RBM25: variants seen among roughly 807,000 people sequenced by gnomAD.
RBM25 encodes RNA binding motif protein 25.
A neutral mutation model predicts 120.7 loss-of-function variants in RBM25; 19 were observed. That is an observed-to-expected ratio of 0.16 (90% CI 0.11 to 0.23). The LOEUF (loss-of-function observed/expected upper bound fraction) is 0.23. Ranked by LOEUF, RBM25 falls within the 10% of genes least tolerant of loss-of-function variation. RBM25 has a pLI of 1.00. For synonymous variants in RBM25, 390 were observed against 326.7 expected, an observed-to-expected ratio of 1.19 and a Z score of -2.09; for missense variants, 605 against 1,041.5, an observed-to-expected ratio of 0.58 and a Z score of 5.77.
intron 6 of RBM25, among the ~76,000 whole-genome samples, chr14:73,093,943 G>GTTT (rs1270207726): frequency 1.3e-4 from 17 of 133,762 alleles, no homozygotes; most frequent in African/African-American, 2.8e-4. Context: ...CCATGATCAG[G>GTTT]TTTTGTTTTT....
intron 7 of RBM25, 96 bp downstream of exon 7, chr14:73,097,196 C>CTTCTTTTT (rs1895961862): frequency 7.6e-6 from 1 of 131,342 alleles, no homozygotes; most frequent in African/African-American, 6.5e-5. Flanking sequence ...TTTTTCTTTT[C>CTTCTTTTT]TTTTTTTTTT....
Position 73,110,839 on chromosome 14 carries a change from A to G in RBM25, c.1701A>G (p.Gln567=). The G allele has an allele frequency of 3.1e-6, 5 of 1,607,588 alleles. No individual in the cohort carries two copies. The highest frequency in any genetic ancestry group is 4.2e-6 in the Non-Finnish European group (5 of 1,178,296). Residue 567 remains glutamine, a synonymous_variant, in exon 15 of 19, where the codon CAA becomes CAG. Coordinates refer to ENST00000261973, the MANE Select transcript of RBM25 (RefSeq NM_021239.3). The part of the protein sequence containing the change: ...DPDAELQRME[Q]EAERRRQPQI... ...TATTGTTTGGGTTTTAGATGGAACAAGAGGCTGAGAGGCGCAGGCAGCCAC... is the reference window on the plus strand; with the variant it reads ...TATTGTTTGGGTTTTAGATGGAACAGGAGGCTGAGAGGCGCAGGCAGCCAC...
At chr14:73,082,113 C>T (rs1268593674) in intron 4 of RBM25, among the ~76,000 whole-genome samples, 1 of 152,100 alleles carries the variant, frequency 6.6e-6, no homozygotes, top group Admixed American at 6.6e-5. Context: ...TTCCTATTTT[C>T]CATCTCTTAC....
intron 9 of RBM25, chr14:73,100,659 A>G (rs923182267): frequency 9.4e-6 from 2 of 211,778 alleles, no homozygotes; most frequent in African/African-American, 4.6e-5. Context: ...TGAAATGTTA[A>G]ATGTTCATTT....
Position 73,123,051 on chromosome 14 carries a change from C to T in RBM25, c.*3246C>T, listed in dbSNP as rs1358846388. 1 of 151,978 alleles carries T rather than the reference C, an allele frequency of 6.6e-6. No individual in the cohort carries two copies. Among genetic ancestry groups the T allele is most frequent in the Non-Finnish European group, 1.5e-5 (1 of 67,996 alleles). 9.4% of individuals were successfully genotyped at this position (151,978 alleles called of 1,614,324 possible). ...CTAATATTCTAGGCTTTTTTTCCATCCAGCCCTGAAAATTTTTTCTGTAGA... is the reference window on the plus strand; with the variant it reads ...CTAATATTCTAGGCTTTTTTTCCATTCAGCCCTGAAAATTTTTTCTGTAGA... On this transcript the variant is annotated 3_prime_UTR_variant, in exon 19 of 19. Coordinates refer to ENST00000261973, the MANE Select transcript of RBM25 (RefSeq NM_021239.3).
intron 12 of RBM25, among the ~76,000 whole-genome samples, chr14:73,106,682 G>T (rs970357808): frequency 1.2e-4 from 19 of 152,208 alleles, no homozygotes; most frequent in Non-Finnish European, 2.4e-4. Context: ...TATTGGTTTA[G>T]AGTTGGGGGG....
At chr14:73,077,014 G>A (rs1186318158) in intron 3 of RBM25, among the ~76,000 whole-genome samples, 1 of 152,232 alleles carries the variant, frequency 6.6e-6, no homozygotes, top group Non-Finnish European at 1.5e-5. Context: ...CCAGGAGGCG[G>A]AGGTTGCAGT....
chr14:73,105,922 GCGAGAA>G lies in RBM25; in HGVS notation c.1227_1232del (p.Arg425_Glu426del), dbSNP rs569416992. On this transcript the variant is annotated inframe_deletion, in exon 11 of 19. Transcript: ENST00000261973. ...AAAGAGAGAGAGAGAGAGAACGAGA[GCGAGAA>G]CGAGAACGGGAGCGAGAGAGAGAGC... 104 of 1,612,266 alleles carry G rather than the reference GCGAGAA, an allele frequency of 6.5e-5. No individual in the cohort carries two copies. Among genetic ancestry groups the G allele is most frequent in the South Asian group, 4.5e-4 (41 of 90,936 alleles).
intron 1 of RBM25, among the ~76,000 whole-genome samples, chr14:73,067,046 G>C (rs968516849): frequency 6.6e-6 from 1 of 151,486 alleles, no homozygotes; most frequent in African/African-American, 2.4e-5. Flanking sequence ...TGATTTTGGA[G>C]GTAAAGTTTG....
Position 73,121,395 on chromosome 14 carries a change from A to G in RBM25, c.*1590A>G, listed in dbSNP as rs1896539133. On this transcript the variant is annotated 3_prime_UTR_variant, in exon 19 of 19. Coordinates refer to ENST00000261973, the MANE Select transcript of RBM25 (RefSeq NM_021239.3). ...TGTGTGGTGCATACTAGAAAAGTTA[A>G]AAATATGGGCTGAACTTTTTATGGA... 6.6e-6 allele frequency: 1 copy of G among 152,606 alleles called. No homozygotes were observed. Among genetic ancestry groups the G allele is most frequent in the Non-Finnish European group, 1.5e-5 (1 of 68,022 alleles). 9.5% of individuals were successfully genotyped at this position (152,606 alleles called of 1,614,324 possible). A position where few individuals can be genotyped will look rare whatever the true frequency, so the allele number is the denominator to read the frequency against.
At chr14:73,094,176 A>T (rs1697191019) in intron 6 of RBM25, among the ~76,000 whole-genome samples, 1 of 148,570 alleles carries the variant, frequency 6.7e-6, no homozygotes. Context: ...GATGGTCTCG[A>T]TCTCCTGACC....
chr14:73,096,855 G>C (rs1895951297), intron 6 of RBM25, 60 bp from the exon 7 acceptor site: 3 of 1,411,422 alleles, frequency 2.1e-6, no homozygotes, highest in Non-Finnish European at 3.0e-6. Context: ...TCTTGTTGTA[G>C]AGTGATTTTG....
intron 7 of RBM25, 28 bp from the exon 8 acceptor site, chr14:73,099,352 A>G: frequency 6.3e-7 from 1 of 1,589,556 alleles, no homozygotes; most frequent in Non-Finnish European, 8.5e-7. Flanking sequence ...TCTTTTTTAA[A>G]AAAGATTCTT....
chr14:73,111,724 T>C lies in RBM25; in HGVS notation c.2214T>C (p.Ile738=). ...TVNTEEKRKH[I]KSLIEKIPTA... is the part of the protein sequence containing the mutation. ...ACACTGAAGAAAAGCGTAAACACAT[T>C]AAGAGTCTCATTGAGAAAATCCCTA... Residue 738 remains isoleucine (I), a synonymous_variant, in exon 16 of 19, where the codon ATT becomes ATC. Coordinates refer to ENST00000261973, the MANE Select transcript of RBM25 (RefSeq NM_021239.3). The C allele has an allele frequency of 1.9e-6, 3 of 1,614,084 alleles. No homozygotes were observed. Among genetic ancestry groups the C allele is most frequent in the South Asian group, 2.2e-5 (2 of 91,048 alleles).
chr14:73,109,508 A>G lies in RBM25; in HGVS notation c.1692+16A>G. The G allele has an allele frequency of 1.2e-6, 2 of 1,605,212 alleles. No homozygotes were observed. Among genetic ancestry groups the G allele is most frequent in the South Asian group, 2.2e-5 (2 of 89,898 alleles). On this transcript the variant is annotated intron_variant, in intron 14 of 18. Coordinates refer to ENST00000261973, the MANE Select transcript of RBM25 (RefSeq NM_021239.3). ...GCTCCAGAGGGTAAGATACTGTACC[A>G]TCTGGTCGGGCGCGGTGGCTCACGC... is the stretch of plus-strand genomic sequence containing the variant.
At position 73,103,299 on chromosome 14, in the gene RBM25, GGAACGAGAAAGGGAAAGAGAACGT is replaced by G; in HGVS notation, c.986_1009del (p.Arg329_Glu336del). On this transcript the variant is annotated inframe_deletion, in exon 10 of 19. Coordinates refer to ENST00000261973, the MANE Select transcript of RBM25 (RefSeq NM_021239.3). The stretch of plus-strand genomic sequence containing the variant: ...AAAGGGAACGAGAAAGGCGAGAACG[GGAACGAGAAAGGGAAAGAGAACGT>G]GAACGAGAAAAGGAGAAAGAACGGG... The G allele has an allele frequency of 2.5e-6, 4 of 1,583,460 alleles. No individual in the cohort carries two copies. The highest frequency in any genetic ancestry group is 2.6e-6 in the Non-Finnish European group (3 of 1,163,464).
At chr14:73,067,134 G>A (rs888413214) in intron 1 of RBM25, among the ~76,000 whole-genome samples, 3 of 144,878 alleles carry the variant, frequency 2.1e-5, no homozygotes, top group South Asian at 2.2e-4. Context: ...CAATGGCACC[G>A]TCTCGGCTCA....
intron 7 of RBM25, 97 bp downstream of exon 7, chr14:73,097,197 T>TTTTA: frequency 1.2e-5 from 4 of 341,326 alleles, no homozygotes; most frequent in Non-Finnish European, 1.7e-5. Flanking sequence ...TTTTCTTTTC[T>TTTTA]TTTTTTTTTT....
intron 1 of RBM25, among the ~76,000 whole-genome samples, chr14:73,059,772 G>A (rs566818856): frequency 1.7e-4 from 26 of 152,278 alleles, no homozygotes; most frequent in Admixed American, 3.3e-4. Context: ...GAATCTTATA[G>A]TATTCTAATT....
Sources: allele counts gnomAD v4.1 joint callset (sites outside exome capture counted in the v4.1 genomes callset), GRCh38; gene constraint gnomAD v4.1.1; transcripts MANE v1.5; gene names NCBI Gene and HGNC (gene_info 2026-07-23, HGNC 2026-07-21).